Variants in DNAH17 observed in about 807,000 individuals in gnomAD.
DNAH17 encodes dynein axonemal heavy chain 17, also known as axonemal beta dynein heavy chain 17.
A neutral mutation model predicts 485.6 loss-of-function variants in DNAH17; 376 were observed. That is an observed-to-expected ratio of 0.77 (90% CI 0.71 to 0.84). DNAH17 has a LOEUF of 0.84. DNAH17 is among the 40% of genes least tolerant of loss of function. DNAH17 has a pLI of 0.00. For missense variants in DNAH17, 6,370 were observed against 5,839.3 expected (o/e 1.09, Z -2.96); for synonymous variants, 3,031 against 2,405.9 (o/e 1.26, Z -7.60).
intron 9 of DNAH17, among the ~76,000 whole-genome samples, chr17:78,567,783 C>T (rs545669313): frequency 1.6e-4 from 24 of 152,286 alleles, no homozygotes; most frequent in South Asian, 1.2e-3. Flanking sequence ...CCATCTGCGC[C>T]GCTTGTGTTT....
At chr17:78,477,359 G>A (rs762982882) in intron 51 of DNAH17, among the ~76,000 whole-genome samples, 1 of 150,178 alleles carries the variant, frequency 6.7e-6, no homozygotes, top group African/African-American at 2.5e-5. Context: ...CATGGCATTT[G>A]GGCTGATACT....
chr17:78,486,091 C>A lies in DNAH17; in HGVS notation c.7144G>T (p.Glu2382Ter). The A allele has an allele frequency of 1.2e-6, 2 of 1,613,832 alleles. No homozygotes were observed. The highest frequency in any genetic ancestry group is 1.7e-6 in the Non-Finnish European group (2 of 1,179,864). The change falls in exon 46 of 81, where the codon GAA (glutamate) becomes TAA (stop). Residue 2382 changes from glutamate (E) to a stop codon, truncating the protein, a stop_gained. Coordinates refer to ENST00000389840, the MANE Select transcript of DNAH17 (RefSeq NM_173628.4). LOFTEE classifies it high-confidence loss of function. ...RVEFSKWWIN[E>*]FKTIKFPSQG... ...GAGGGGAACTTGATAGTCTTGAATT[C>A]GTTGATCCACCATTTACTGAACTCC...
chr17:78,540,927 G>A (rs1485102238), intron 17 of DNAH17, among the ~76,000 whole-genome samples: 1 of 44 alleles, frequency 0.023, no homozygotes, highest in Non-Finnish European at 0.042. Flanking sequence ...GGATGGGTGG[G>A]TGGGTGGGTG....
intron 77 of DNAH17, 70 bp from the exon 78 acceptor site, chr17:78,427,178 G>T (rs1358655834): frequency 7.1e-5 from 106 of 1,489,786 alleles, no homozygotes; most frequent in Non-Finnish European, 9.2e-5. Context: ...GGGTCAGGGA[G>T]CCTGCCCAAA....
chr17:78,451,375 G>A, intron 66 of DNAH17, 94 bp downstream of exon 66: 2 of 1,193,554 alleles, frequency 1.7e-6, no homozygotes, highest in Non-Finnish European at 2.4e-6. Context: ...ACACACACTG[G>A]ACTGGCAGCC....
At chr17:78,432,709 G>A (rs2086718300) in intron 75 of DNAH17, among the ~76,000 whole-genome samples, 1 of 152,224 alleles carries the variant, frequency 6.6e-6, no homozygotes, top group Non-Finnish European at 1.5e-5. Context: ...CTGGGGCTTA[G>A]TGGCCCAGGT....
rs778116010 is a variant in DNAH17 at position 78,475,275 on chromosome 17, C to T, written c.8511+3G>A. 2 of 1,613,840 alleles carry T rather than the reference C, an allele frequency of 1.2e-6. No individual in the cohort carries two copies. The highest frequency in any genetic ancestry group is 8.5e-7 in the Non-Finnish European group (1 of 1,179,870). On this transcript the variant is annotated splice_donor_region_variant and intron_variant, in intron 54 of 80. Transcript: ENST00000389840. ...GGCAGCCTATTGAACAGTAAGCTCT[C>T]ACCTTGAGGTCGGGGATCCCGTAGC...
intron 54 of DNAH17, among the ~76,000 whole-genome samples, chr17:78,473,996 G>A (rs959222651): frequency 4.6e-5 from 7 of 152,136 alleles, no homozygotes; most frequent in African/African-American, 1.4e-4. Flanking sequence ...AAAAGAGCAG[G>A]CCGGCCCCTT....
Position 78,428,947 on chromosome 17 carries a change from G to A in DNAH17, c.12405+174C>T, listed in dbSNP as rs59539104. Among the ~76,000 whole-genome samples the A allele has an allele frequency of 8.5e-3, 772 of 90,730 alleles. 7 individuals carry two copies. The highest frequency in any genetic ancestry group is 0.028 in the African/African-American group (737 of 26,712). The allele number at this position is 90,730 out of a possible 152,430, so 59.5% of individuals were successfully genotyped here. A position where few individuals can be genotyped will look rare whatever the true frequency, so the allele number is the denominator to read the frequency against. ...TTTAAAAAAAAAAAAAAAAAAAAAA[G>A]GTTGTTTGTATTAGCCTTGTGCTTC... is the stretch of plus-strand genomic sequence containing the variant. On this transcript the variant is annotated intron_variant, in intron 76 of 80. Transcript: ENST00000389840.
intron 26 of DNAH17, among the ~76,000 whole-genome samples, chr17:78,512,940 C>CAAAAAAAAA (rs57734613): frequency 7.2e-5 from 6 of 83,308 alleles, no homozygotes; most frequent in African/African-American, 2.6e-4. Flanking sequence ...GACTCTAACT[C>CAAAAAAAAA]AAAAAAAAAA....
chr17:78,470,548 G>A (rs2088700888), intron 54 of DNAH17, among the ~76,000 whole-genome samples: 2 of 152,004 alleles, frequency 1.3e-5, no homozygotes, highest in Admixed American at 6.5e-5. Context: ...AATTAGCCAG[G>A]CGTGGTGGCA....
intron 66 of DNAH17, among the ~76,000 whole-genome samples, 161 bp downstream of exon 66, chr17:78,451,308 G>A (rs538153579): frequency 1.1e-4 from 17 of 152,372 alleles, no homozygotes; most frequent in South Asian, 2.1e-4. Context: ...CCATCCTGTC[G>A]TATGAGAAGC....
At position 78,574,722 on chromosome 17, in the gene DNAH17, C is replaced by G. The variant is rs1312505664; in HGVS notation, c.336G>C (p.Val112=). ...GCCTGGACGCACTCACCTCCTCCACCACCGCGATCAGCTGGTCCACGGGTG... is the reference window on the plus strand; with the variant it reads ...GCCTGGACGCACTCACCTCCTCCACGACCGCGATCAGCTGGTCCACGGGTG... The part of the protein sequence containing the change: ...SPTPVDQLIA[V]VEEVLSSLLN... Residue 112 remains valine, a synonymous_variant, in exon 2 of 81, where the codon GTG becomes GTC. Coordinates refer to ENST00000389840, the MANE Select transcript of DNAH17 (RefSeq NM_173628.4). 1.9e-6 allele frequency: 3 copies of G among 1,602,716 alleles called. No individual in the cohort carries two copies. Among genetic ancestry groups the G allele is most frequent in the Non-Finnish European group, 2.6e-6 (3 of 1,172,628 alleles).
chr17:78,501,472 C>G (rs1365357018), intron 34 of DNAH17, 128 bp from the exon 35 acceptor site: 2 of 1,208,652 alleles, frequency 1.7e-6, no homozygotes, highest in African/African-American at 3.1e-5. Flanking sequence ...CTCTTTCCCC[C>G]TCCAGCACCC....
At chr17:78,516,343 A>G (rs1467123631) in intron 25 of DNAH17, among the ~76,000 whole-genome samples, 1 of 152,204 alleles carries the variant, frequency 6.6e-6, no homozygotes, top group Non-Finnish European at 1.5e-5. Flanking sequence ...GGGAAAGCGT[A>G]TATCCCATTC....
At position 78,507,308 on chromosome 17, in the gene DNAH17, A is replaced by G; in HGVS notation, c.4646T>C (p.Leu1549Pro). ...NVVEATSKPG[L>P]YNKLEALKKS... ...CTTCAGGGCCTCCAGTTTATTGTAG[A>G]GGCCGGGTTTGCTGGTGGCTTCCAC... The change falls in exon 29 of 81, where the codon CTC becomes CCC. Residue 1549 changes from leucine to proline, a missense_variant. Physicochemically the swap from Leu to Pro is moderately conservative, Grantham distance 98. Transcript: ENST00000389840. 6.2e-7 allele frequency: 1 copy of G among 1,613,982 alleles called. No individual in the cohort carries two copies. The highest frequency in any genetic ancestry group is 1.1e-5 in the South Asian group (1 of 91,080).
chr17:78,565,072 T>TC (rs1253711694), intron 11 of DNAH17, among the ~76,000 whole-genome samples: 1 of 152,168 alleles, frequency 6.6e-6, no homozygotes. Context: ...TTAGCTAGAA[T>TC]CCCCCAACCC....
In DNAH17 at chr17:78,480,826, T is replaced by C. The variant is rs779618763; in HGVS notation, c.7650-40A>G. ...CAGCATTCATGTTGTGCCCCTGGCC[T>C]GGAGGAACCATCCCCTGCCCCCACT... On this transcript the variant is annotated intron_variant, in intron 48 of 80. Coordinates refer to ENST00000389840, the MANE Select transcript of DNAH17 (RefSeq NM_173628.4). 16 of 1,464,464 alleles carry C rather than the reference T, an allele frequency of 1.1e-5. 1 individual carries two copies. The South Asian group carries it at 1.9e-4, about 17-fold the overall frequency. 90.7% of individuals were successfully genotyped at this position (1,464,464 alleles called of 1,614,324 possible). A position where few individuals can be genotyped will look rare whatever the true frequency, so the allele number is the denominator to read the frequency against.
chr17:78,431,069 G>A (rs1170635374), intron 75 of DNAH17, among the ~76,000 whole-genome samples: 1 of 147,432 alleles, frequency 6.8e-6, no homozygotes, highest in Non-Finnish European at 1.5e-5. Context: ...TGTAGAGACA[G>A]GGTCTTGCTG....
Sources: gnomAD v4.1 joint callset for allele counts (sites outside exome capture counted in the v4.1 genomes callset) on GRCh38, gnomAD v4.1.1 for gene constraint, MANE v1.5 for transcripts, NCBI Gene and HGNC (gene_info 2026-07-23, HGNC 2026-07-21) for gene names.